CADPS2: variants seen among roughly 807,000 people sequenced by gnomAD.
CADPS2 encodes calcium-dependent secretion activator 2.
CADPS2 carries 93 observed loss-of-function variants against 172.5 expected under a neutral mutation model. The ratio of observed to expected loss-of-function variants is 0.54; its 90% CI spans 0.46 to 0.64. The LOEUF is 0.64. Ranked by LOEUF, CADPS2 falls within the 30% of genes least tolerant of loss-of-function variation. The pLI is 0.00. For missense variants in CADPS2, 1,420 were observed against 1,565.9 expected (o/e 0.91, Z 1.57); for synonymous variants, 546 against 555.2 (o/e 0.98, Z 0.23).
chr7:122,463,634 A>G (rs2054752040), intron 14 of CADPS2, among the ~76,000 whole-genome samples: 1 of 152,216 alleles, frequency 6.6e-6, no homozygotes, highest in Non-Finnish European at 1.5e-5. Context: ...AGTGAGTTAC[A>G]CATCTAACAT....
At chr7:122,388,002 C>T (rs1314399681) in intron 23 of CADPS2, among the ~76,000 whole-genome samples, 4 of 151,872 alleles carry the variant, frequency 2.6e-5, no homozygotes, top group African/African-American at 9.7e-5. Context: ...AAATGCTTGA[C>T]CAATTAGGAT....
intron 7 of CADPS2, among the ~76,000 whole-genome samples, chr7:122,562,195 T>C (rs998863541): frequency 6.6e-6 from 1 of 152,186 alleles, no homozygotes; most frequent in South Asian, 2.1e-4. Flanking sequence ...CTTGTGAATA[T>C]GTTTTTACCT....
chr7:122,466,350 A>G (rs1192454389), intron 14 of CADPS2, among the ~76,000 whole-genome samples: 1 of 152,206 alleles, frequency 6.6e-6, no homozygotes, highest in Non-Finnish European at 1.5e-5. Context: ...CTGTCTACAT[A>G]CTTATCCTGG....
At chr7:122,867,439 C>T (rs1818595950) in intron 1 of CADPS2, among the ~76,000 whole-genome samples, 1 of 152,146 alleles carries the variant, frequency 6.6e-6, no homozygotes, top group African/African-American at 2.4e-5. Context: ...ACACTAACTC[C>T]ACCCTGAGCA....
chr7:122,371,696 G>T (rs2041783436), intron 25 of CADPS2, among the ~76,000 whole-genome samples: 1 of 151,102 alleles, frequency 6.6e-6, no homozygotes, highest in Non-Finnish European at 1.5e-5. Context: ...GAAGACTATA[G>T]TACTGCCAGT....
intron 11 of CADPS2, among the ~76,000 whole-genome samples, chr7:122,488,341 C>A (rs1484049233): frequency 6.6e-6 from 1 of 152,172 alleles, no homozygotes; most frequent in African/African-American, 2.4e-5. Flanking sequence ...CAATTTGGCA[C>A]TTGAAGTAGG....
chr7:122,565,164 AG>A (rs761822796), intron 7 of CADPS2, among the ~76,000 whole-genome samples: 26 of 152,036 alleles, frequency 1.7e-4, no homozygotes, highest in Admixed American at 6.6e-5. Context: ...CTAAAAGCCC[AG>A]ACTTCACCGC....
intron 2 of CADPS2, chr7:122,698,054 G>A (rs2136189557): frequency 1.9e-6 from 3 of 1,613,976 alleles, no homozygotes; most frequent in East Asian, 4.5e-5. Flanking sequence ...GTCCCATGGG[G>A]TAAAATCCAG....
At chr7:122,367,897 A>G (rs1028853384) in intron 25 of CADPS2, among the ~76,000 whole-genome samples, 26 of 151,942 alleles carry the variant, frequency 1.7e-4, no homozygotes, top group African/African-American at 5.8e-4. Flanking sequence ...TCTTGCCTGC[A>G]TTCATGGTTC....
intron 2 of CADPS2, among the ~76,000 whole-genome samples, chr7:122,684,087 A>T (rs2083367260): frequency 6.6e-6 from 1 of 152,170 alleles, no homozygotes; most frequent in Non-Finnish European, 1.5e-5. Flanking sequence ...GAGAGCTCAC[A>T]TTTATTTCCA....
chr7:122,430,583 T>C (rs1334856319), intron 17 of CADPS2, among the ~76,000 whole-genome samples: 1 of 152,204 alleles, frequency 6.6e-6, no homozygotes, highest in Non-Finnish European at 1.5e-5. Context: ...AGGTTAGTGA[T>C]AAAATTAAAG....
rs566261029 is a variant in CADPS2, at chr7:122,546,101, T to C, written c.1475+8449A>G. Among the ~76,000 whole-genome samples, 119 of 152,336 alleles carry C rather than the reference T, an allele frequency of 7.8e-4. 1 individual carries two copies. Among genetic ancestry groups the C allele is most frequent in the East Asian group, 7.7e-4 (4 of 5,182 alleles). On this transcript the variant is annotated intron_variant, in intron 8 of 29. Transcript: ENST00000449022. ...GATGAATACTTAGAAATATAATGTT[T>C]GTAAACCCTTTCCTCTGTTCATGTC...
chr7:122,649,104 G>A (rs966155992), intron 3 of CADPS2, among the ~76,000 whole-genome samples: 2 of 151,146 alleles, frequency 1.3e-5, no homozygotes, highest in African/African-American at 4.9e-5. Context: ...CAAGCTCTTT[G>A]ATCTAGTATA....
At chr7:122,872,450 G>A (rs1258349277) in intron 1 of CADPS2, among the ~76,000 whole-genome samples, 1 of 151,950 alleles carries the variant, frequency 6.6e-6, no homozygotes, top group Non-Finnish European at 1.5e-5. Context: ...AAACACAGTG[G>A]ACCTAAAGCA....
intron 5 of CADPS2, 81 bp from the exon 6 acceptor site, chr7:122,615,380 T>A: frequency 1.1e-6 from 1 of 888,846 alleles, no homozygotes; most frequent in Non-Finnish European, 1.6e-6. Context: ...TGAACTGTAA[T>A]AAGGAAGATT....
intron 1 of CADPS2, among the ~76,000 whole-genome samples, chr7:122,750,120 G>C (rs1400914551): frequency 1.3e-5 from 2 of 152,110 alleles, no homozygotes; most frequent in Non-Finnish European, 2.9e-5. Context: ...AATAAAGCCT[G>C]CTTCTGGGGC....
Position 122,407,698 on chromosome 7 carries a change from T to C in CADPS2, c.2590-2A>G. 1 of 1,603,080 alleles carries C rather than the reference T, an allele frequency of 6.2e-7. No individual in the cohort carries two copies. Among genetic ancestry groups the C allele is most frequent in the Non-Finnish European group, 8.5e-7 (1 of 1,174,694 alleles). On this transcript the variant is annotated splice_acceptor_variant, in intron 19 of 29. Transcript: ENST00000449022. LOFTEE classifies it high-confidence loss of function. ...TAAATCAGGCCACCAGGCAAATGCC[T>C]ACAAAAGGATAAAAACATAAAGGAG... is the stretch of plus-strand genomic sequence containing the variant.
intron 1 of CADPS2, among the ~76,000 whole-genome samples, chr7:122,786,389 T>C (rs1053446237): frequency 1.3e-5 from 2 of 152,202 alleles, no homozygotes; most frequent in African/African-American, 4.8e-5. Flanking sequence ...ATCAAAATGA[T>C]TTACAGATAT....
At chr7:122,880,910 T>C (rs1822761149) in intron 1 of CADPS2, among the ~76,000 whole-genome samples, 1 of 152,200 alleles carries the variant, frequency 6.6e-6, no homozygotes, top group Non-Finnish European at 1.5e-5. Flanking sequence ...CACTATTTAA[T>C]TATTAGGTCT....
Sources: allele counts gnomAD v4.1 joint callset (sites outside exome capture counted in the v4.1 genomes callset), GRCh38; gene constraint gnomAD v4.1.1; transcripts MANE v1.5; gene names NCBI Gene and HGNC (gene_info 2026-07-23, HGNC 2026-07-21).